Variants in OTOGL observed in about 807,000 individuals in gnomAD.
The protein encoded by OTOGL is otogelin-like protein.
OTOGL carries 285 observed loss-of-function variants against 318.5 expected under a neutral mutation model. The observed-to-expected ratio is 0.89, with a 90% CI of 0.81 to 0.99. OTOGL has a LOEUF of 0.99. OTOGL is among the 50% of genes least tolerant of loss of function. The probability of loss-of-function intolerance (pLI) is 0.00; values close to 1 mark genes in which losing one functional copy is unlikely to be tolerated. For missense variants in OTOGL, 2,899 were observed against 2,845.6 expected (o/e 1.02, Z -0.43); for synonymous variants, 987 against 936.5 (o/e 1.05, Z -0.99).
chr12:80,304,341 A>G (rs1370793268), intron 28 of OTOGL, among the ~76,000 whole-genome samples: 1 of 152,120 alleles, frequency 6.6e-6, no homozygotes, highest in Non-Finnish European at 1.5e-5. Context: ...TTAAAATTTG[A>G]TTATTTTGAA....
rs1358749047 is a variant in OTOGL, at chr12:80,114,051, T to G, written c.-20+14446T>G. Among the ~76,000 whole-genome samples, 3 of 152,164 alleles carry G rather than the reference T, an allele frequency of 2.0e-5. No individual in the cohort carries two copies. The East Asian group carries it at 5.8e-4, about 29-fold the overall frequency. On this transcript the variant is annotated intron_variant, in intron 1 of 58. Transcript: ENST00000547103. ...CTCCTGAATACAGCACACCGATGGG[T>G]CTTGACTCTTTATCCAATTTGCCAG...
At chr12:80,275,165 A>G (rs77939668) in intron 24 of OTOGL, among the ~76,000 whole-genome samples, 10,143 of 152,022 alleles carry the variant, frequency 0.067, 420 homozygotes, top group Non-Finnish European at 0.085. Context: ...GATCTGGGAA[A>G]AGAAAATTGA....
At chr12:80,108,936 G>GTA (rs199972356) in intron 1 of OTOGL, among the ~76,000 whole-genome samples, 66,454 of 127,864 alleles carry the variant, frequency 0.52, 17,673 homozygotes, top group Middle Eastern at 0.57. Context: ...ATATGTGTGT[G>GTA]TATATATATA....
At chr12:80,113,632 A>G (rs556269999) in intron 1 of OTOGL, among the ~76,000 whole-genome samples, 119 of 151,626 alleles carry the variant, frequency 7.8e-4, no homozygotes, top group African/African-American at 2.6e-3. Flanking sequence ...ATGATTTCAT[A>G]GATGTCTATT....
chr12:80,358,581 A>G, intron 50 of OTOGL, 90 bp from the exon 51 acceptor site: 1 of 1,044,810 alleles, frequency 9.6e-7, no homozygotes, highest in South Asian at 1.5e-5. Flanking sequence ...GAATCCATGC[A>G]TTATTGTAAT....
Position 80,320,432 on chromosome 12 carries a change from T to C in OTOGL, c.3813T>C (p.Leu1271=), listed in dbSNP as rs766990572. The change falls in exon 34 of 59, where the codon CTT becomes CTC. Residue 1271 remains leucine, a synonymous_variant. Transcript: ENST00000547103. ...CTCTATATTTTACAGCATTAGCACTTGTTTCCTTGGAATCTGCTGAAAGGC... is the reference window on the plus strand; with the variant it reads ...CTCTATATTTTACAGCATTAGCACTCGTTTCCTTGGAATCTGCTGAAAGGC... ...LFKEKVSSLA[L]VSLESAERPN... The C allele has an allele frequency of 6.2e-7, 1 of 1,612,152 alleles. No homozygotes were observed.
intron 27 of OTOGL, among the ~76,000 whole-genome samples, chr12:80,298,155 A>C (rs1885535510): frequency 6.6e-6 from 1 of 152,220 alleles, no homozygotes; most frequent in Non-Finnish European, 1.5e-5. Flanking sequence ...GCCTTTAAGA[A>C]GTTTCTGCTC....
At chr12:80,201,489 A>G (rs948957943) in intron 1 of OTOGL, among the ~76,000 whole-genome samples, 1 of 152,148 alleles carries the variant, frequency 6.6e-6, no homozygotes, top group African/African-American at 2.4e-5. Flanking sequence ...GGAGGGCACA[A>G]AGTGATTCAT....
At chr12:80,103,894 G>A (rs1869296730) in intron 1 of OTOGL, among the ~76,000 whole-genome samples, 1 of 152,174 alleles carries the variant, frequency 6.6e-6, no homozygotes, top group Non-Finnish European at 1.5e-5. Flanking sequence ...CTTTTGCCTT[G>A]TTTCTGAAGA....
chr12:80,361,039 C>T (rs1248334596), intron 52 of OTOGL: 7 of 151,956 alleles, frequency 4.6e-5, no homozygotes, highest in African/African-American at 1.7e-4. Flanking sequence ...TACATTGTTA[C>T]TAATGATTGT....
chr12:80,306,451 G>T (rs1446352731), intron 29 of OTOGL, among the ~76,000 whole-genome samples: 2 of 152,130 alleles, frequency 1.3e-5, no homozygotes, highest in African/African-American at 4.8e-5. Flanking sequence ...CAATTGATAA[G>T]AGTGTTTGAA....
chr12:80,305,651 GT>G lies in OTOGL; in HGVS notation c.3290del (p.Val1097GlyfsTer13). 6.3e-7 allele frequency: 1 copy of G among 1,583,218 alleles called. No homozygotes were observed. The highest frequency in any genetic ancestry group is 8.5e-7 in the Non-Finnish European group (1 of 1,173,704). On this transcript the variant is annotated frameshift_variant, in exon 29 of 59. Transcript: ENST00000547103. LOFTEE classifies it high-confidence loss of function. ...NDMTTSNNLE[V>X]RNARVFGDSW... is the part of the protein sequence containing the mutation. ...TATGACCACATCTAATAACTTGGAA[GT>G]GAGAAATGCTCGGGTATTTGGAGAT...
chr12:80,356,290 C>T (rs1889893491), intron 47 of OTOGL, 126 bp from the exon 48 acceptor site: 2 of 706,644 alleles, frequency 2.8e-6, no homozygotes, highest in African/African-American at 1.8e-5. Context: ...AGTGTAAAAA[C>T]ATGCATAATG....
rs750847918 is a variant in OTOGL, at chr12:80,320,647, C to T, written c.4028C>T (p.Ser1343Leu). 1 of 1,608,596 alleles carries T rather than the reference C, an allele frequency of 6.2e-7. No homozygotes were observed. The highest frequency in any genetic ancestry group is 8.5e-7 in the Non-Finnish European group (1 of 1,177,152). ...TTCACAGATTCTAGTGTCAAAGCAT[C>T]AAAATATGATGATTCTGAAGAATTT... is the stretch of plus-strand genomic sequence containing the variant. Reference protein sequence around the residue: ...IIFTDSSVKASKYDDSEEFKH... With the variant: ...IIFTDSSVKALKYDDSEEFKH... The change falls in exon 34 of 59, where the codon TCA (serine) becomes TTA (leucine). Residue 1343 changes from serine to leucine, a missense_variant. Transcript: ENST00000547103.
At chr12:80,203,367 C>A (rs1876590231) in intron 1 of OTOGL, among the ~76,000 whole-genome samples, 1 of 151,914 alleles carries the variant, frequency 6.6e-6, no homozygotes, top group South Asian at 2.1e-4. Flanking sequence ...TTTATCTGGC[C>A]CACACTTATA....
At chr12:80,254,346 T>A (rs1313167461) in intron 14 of OTOGL, among the ~76,000 whole-genome samples, 178 bp from the exon 15 acceptor site, 3 of 131,962 alleles carry the variant, frequency 2.3e-5, no homozygotes, top group South Asian at 3.0e-4. Context: ...AGATGATTTT[T>A]TTATTATTAT....
intron 37 of OTOGL, among the ~76,000 whole-genome samples, chr12:80,330,950 C>T (rs1262089521): frequency 1.3e-5 from 2 of 152,116 alleles, no homozygotes; most frequent in South Asian, 2.1e-4. Flanking sequence ...ACCATAAAAG[C>T]TATGAAACAT....
At chr12:80,376,611 A>G (rs549032844) in intron 57 of OTOGL, among the ~76,000 whole-genome samples, 9 of 152,288 alleles carry the variant, frequency 5.9e-5, no homozygotes, top group African/African-American at 2.2e-4. Flanking sequence ...ATACACTTCA[A>G]TATGGTTGAT....
rs1019875276 is a variant in OTOGL at position 80,252,382 on chromosome 12, G to C, written c.1285+181G>C. 2.0e-5 allele frequency among the ~76,000 whole-genome samples: 3 copies of C among 152,274 alleles called. No individual in the cohort carries two copies. The East Asian group carries it at 5.8e-4, about 29-fold the overall frequency. ...AATGGCTACTTTTCATTGATAAAAG[G>C]CTCATTACTTTGTAAAGTTTCCAGG... On this transcript the variant is annotated intron_variant, in intron 13 of 58. Coordinates refer to ENST00000547103, the MANE Select transcript of OTOGL (RefSeq NM_001378609.3).
Sources: gnomAD v4.1 joint callset for allele counts (sites outside exome capture counted in the v4.1 genomes callset) on GRCh38, gnomAD v4.1.1 for gene constraint, MANE v1.5 for transcripts, NCBI Gene and HGNC (gene_info 2026-07-23, HGNC 2026-07-21) for gene names.